MYO10: variants seen among roughly 807,000 people sequenced by gnomAD.
MYO10 encodes the protein myosin X, also known as unconventional myosin-X.
Under a neutral mutation model 257.3 loss-of-function variants are expected in MYO10, and 133 were observed. The observed-to-expected ratio is 0.52, with a 90% CI of 0.45 to 0.60. The LOEUF (loss-of-function observed/expected upper bound fraction) is 0.60. Among genes scored for constraint, MYO10 ranks in the 20% least tolerant of loss-of-function variants. The pLI, the probability that MYO10 is intolerant of heterozygous loss-of-function variation, is 0.00. For synonymous variants in MYO10, 1,104 were observed against 1,028.6 expected (o/e 1.07, Z -1.40); for missense variants, 2,399 against 2,635.7 (o/e 0.91, Z 1.97).
intron 1 of MYO10, among the ~76,000 whole-genome samples, chr5:16,912,531 C>T (rs1291215302): frequency 6.6e-6 from 1 of 151,958 alleles, no homozygotes; most frequent in African/African-American, 2.4e-5. Flanking sequence ...CATAATGCCT[C>T]CATTCAGGGT....
At chr5:16,804,133 C>T (rs781748920) in intron 3 of MYO10, among the ~76,000 whole-genome samples, 1 of 152,168 alleles carries the variant, frequency 6.6e-6, no homozygotes, top group East Asian at 1.9e-4. Context: ...ACCCATCCAC[C>T]CACAGGGCTC....
intron 6 of MYO10, among the ~76,000 whole-genome samples, chr5:16,780,957 C>T (rs1288136798): frequency 6.6e-6 from 1 of 152,088 alleles, no homozygotes; most frequent in African/African-American, 2.4e-5. Context: ...TGTCAGGTAC[C>T]AAACTAACTG....
At chr5:16,879,994 G>A (rs1023701039) in intron 1 of MYO10, among the ~76,000 whole-genome samples, 8 of 152,060 alleles carry the variant, frequency 5.3e-5, no homozygotes, top group African/African-American at 4.8e-5. Context: ...CCTGGCCAAC[G>A]TGGTAAAACC....
chr5:16,730,796 C>G (rs920157951), intron 19 of MYO10, among the ~76,000 whole-genome samples: 3 of 152,120 alleles, frequency 2.0e-5, no homozygotes, highest in African/African-American at 7.2e-5. Flanking sequence ...CAAATATATT[C>G]AAAATATAGA....
intron 2 of MYO10, among the ~76,000 whole-genome samples, chr5:16,864,367 A>G (rs982926145): frequency 6.6e-6 from 1 of 152,158 alleles, no homozygotes; most frequent in Non-Finnish European, 1.5e-5. Context: ...ACAAGTCCCC[A>G]TTCTAAGAGA....
chr5:16,690,249 A>G (rs1006298010), intron 27 of MYO10, among the ~76,000 whole-genome samples: 7 of 152,348 alleles, frequency 4.6e-5, no homozygotes, highest in African/African-American at 1.4e-4. Context: ...ATGTGGGAGA[A>G]TATGCATAGG....
Position 16,698,346 on chromosome 5 carries a change from G to A in MYO10, c.3556+1104C>T, listed in dbSNP as rs79309762. Among the ~76,000 whole-genome samples, 73 of 152,278 alleles carry A rather than the reference G, an allele frequency of 4.8e-4. No homozygotes were observed. In the East Asian group the frequency reaches 0.013, roughly 27 times the overall value. On this transcript the variant is annotated intron_variant, in intron 26 of 40. Coordinates refer to ENST00000513610, the MANE Select transcript of MYO10 (RefSeq NM_012334.3). ...ACTGCCCTCTAGCTTGGGTAACAGA[G>A]CAAGACCCTGTCTTAAATAAATACC...
chr5:16,698,665 C>G (rs1001913092), intron 26 of MYO10, among the ~76,000 whole-genome samples: 1 of 134,828 alleles, frequency 7.4e-6, no homozygotes, highest in Non-Finnish European at 1.5e-5. Context: ...GCTCTGTCGC[C>G]CAGGCTGGGG....
At chr5:16,671,600 C>G (rs180868848) in intron 37 of MYO10, 58 bp from the exon 38 acceptor site, 1 of 1,602,186 alleles carries the variant, frequency 6.2e-7, no homozygotes, top group Non-Finnish European at 8.5e-7. Context: ...TTCAGTGACC[C>G]GCAGGGACCT....
chr5:16,812,769 C>T (rs533800440), intron 3 of MYO10, among the ~76,000 whole-genome samples: 6 of 152,176 alleles, frequency 3.9e-5, no homozygotes, highest in Admixed American at 3.9e-4. Flanking sequence ...TACTTTAAAA[C>T]ATCCCTGTTA....
At chr5:16,746,351 T>G (rs1740197122) in intron 19 of MYO10, among the ~76,000 whole-genome samples, 1 of 152,146 alleles carries the variant, frequency 6.6e-6, no homozygotes. Flanking sequence ...ACCTCCTATC[T>G]CATCCTGTGA....
In MYO10 at chr5:16,764,276, C is replaced by A. The variant is rs1377033585; in HGVS notation, c.1300G>T (p.Asp434Tyr). The change falls in exon 12 of 41, where the codon GAC becomes TAC. Residue 434 changes from aspartate (D) to tyrosine (Y), a missense_variant. Around this residue, in one of 3 missense-constraint regions of MYO10, gnomAD observed 337 missense variants for 446.8 expected, o/e 0.75. Transcript: ENST00000513610. ...TCAAAGTTTTCAAATCCAAAGATGT[C>A]GAGGATGCCAATAGACTTGAAGTCC... The part of the protein sequence containing the change: ...NEDFKSIGIL[D>Y]IFGFENFEVN... 3 of 1,613,962 alleles carry A rather than the reference C, an allele frequency of 1.9e-6. No homozygotes were observed. In the Admixed American group the frequency reaches 5.0e-5, roughly 27 times the overall value.
chr5:16,921,624 G>C (rs976449239), intron 1 of MYO10, among the ~76,000 whole-genome samples: 1 of 106,410 alleles, frequency 9.4e-6, no homozygotes, highest in Non-Finnish European at 2.0e-5. Context: ...CTGGAAAAAA[G>C]AAAAGGAAAA....
chr5:16,829,346 C>G (rs1447139401), intron 2 of MYO10, among the ~76,000 whole-genome samples: 2 of 152,134 alleles, frequency 1.3e-5, no homozygotes, highest in African/African-American at 4.8e-5. Flanking sequence ...ACACTAACAT[C>G]AAACACAGCA....
At chr5:16,805,468 AAAAAAAAAAAAAG>A (rs1742246996) in intron 3 of MYO10, among the ~76,000 whole-genome samples, 1 of 150,614 alleles carries the variant, frequency 6.6e-6, no homozygotes, top group African/African-American at 2.5e-5. Context: ...CAAAAAAAAA[AAAAAAAAAAAAAG>A]AAAAGAAAAA....
chr5:16,748,488 G>GCACCCCCCCCCCCCCCCCCC (rs1553991920), intron 19 of MYO10, among the ~76,000 whole-genome samples: 2 of 149,832 alleles, frequency 1.3e-5, no homozygotes, highest in African/African-American at 5.0e-5. Context: ...CAAGTGATCC[G>GCACCCCCCCCCCCCCCCCCC]CGCCCCCCCG....
Position 16,681,857 on chromosome 5 carries a change from G to A in MYO10, c.4189+14C>T, listed in dbSNP as rs399833. The A allele has an allele frequency of 0.34, 552,839 of 1,612,162 alleles. 99,206 individuals carry two copies. The highest frequency in any genetic ancestry group is 0.62 in the African/African-American group (46,107 of 74,896). ...GTCTGTTAAGCAGACCGAGGAAGCA[G>A]GGCAGGCAGTCACCTCTCACGATGA... is the stretch of plus-strand genomic sequence containing the variant. On this transcript the variant is annotated intron_variant, in intron 31 of 40. Transcript: ENST00000513610.
chr5:16,905,431 G>T (rs1210498343), intron 1 of MYO10, among the ~76,000 whole-genome samples: 1 of 152,112 alleles, frequency 6.6e-6, no homozygotes, highest in Non-Finnish European at 1.5e-5. Context: ...ACAGCTGGAG[G>T]GAAGGAGCAA....
At chr5:16,836,871 G>A (rs982046057) in intron 2 of MYO10, among the ~76,000 whole-genome samples, 1 of 152,128 alleles carries the variant, frequency 6.6e-6, no homozygotes, top group Non-Finnish European at 1.5e-5. Context: ...AAAAACGTAT[G>A]TCCACACGAA....
Sources: gnomAD v4.1 joint callset for allele counts (sites outside exome capture counted in the v4.1 genomes callset) on GRCh38, gnomAD v4.1.1 for gene constraint, gnomAD v4.1.1 regional missense constraint, MANE v1.5 for transcripts, NCBI Gene and HGNC (gene_info 2026-07-23, HGNC 2026-07-21) for gene names.